HBP1: variants seen among roughly 807,000 people sequenced by gnomAD.
The protein encoded by HBP1 is HMG-box transcription factor 1.
HBP1 carries 20 observed loss-of-function variants against 62.6 expected under a neutral mutation model. The observed-to-expected ratio is 0.32, with a 90% confidence interval of 0.22 to 0.46. The LOEUF (loss-of-function observed/expected upper bound fraction) is 0.46, where lower values mean the gene tolerates loss of function less well. Among genes scored for constraint, HBP1 ranks in the 20% least tolerant of loss-of-function variants. The probability of loss-of-function intolerance (pLI) is 1.00; values close to 1 mark genes in which losing one functional copy is unlikely to be tolerated. For synonymous variants in HBP1, 232 were observed against 206.2 expected, an observed-to-expected ratio of 1.12 and a Z score of -1.07; for missense variants, 480 against 611.8, an observed-to-expected ratio of 0.78 and a Z score of 2.27.
intron 1 of HBP1, among the ~76,000 whole-genome samples, chr7:107,170,766 C>G (rs1292509991): frequency 6.6e-6 from 1 of 150,914 alleles, no homozygotes; most frequent in African/African-American, 2.4e-5. Context: ...CTTAACTTCT[C>G]AAACTCCTAA....
chr7:107,198,839 C>CAGAGT (rs1798056258), intron 9 of HBP1, among the ~76,000 whole-genome samples: 1 of 152,198 alleles, frequency 6.6e-6, no homozygotes, highest in Non-Finnish European at 1.5e-5. Context: ...TTAGGGAACA[C>CAGAGT]AGAGTATAGT....
At chr7:107,198,753 T>C (rs1290271693) in intron 9 of HBP1, among the ~76,000 whole-genome samples, 1 of 152,252 alleles carries the variant, frequency 6.6e-6, no homozygotes, top group African/African-American at 2.4e-5. Flanking sequence ...TAGCTCATTT[T>C]AAGTTGCTAT....
At chr7:107,169,395 G>T (rs887914613) in intron 1 of HBP1, among the ~76,000 whole-genome samples, 9 of 150,426 alleles carry the variant, frequency 6.0e-5, no homozygotes, top group Admixed American at 2.6e-4. Context: ...TCGGGGCGGC[G>T]GCGCTAGGGG....
chr7:107,176,774 T>A (rs1419920256), intron 1 of HBP1, among the ~76,000 whole-genome samples: 4 of 151,826 alleles, frequency 2.6e-5, no homozygotes, highest in Admixed American at 6.6e-5. Flanking sequence ...AATAGATTTG[T>A]GTTACACATT....
At position 107,171,073 on chromosome 7, in the gene HBP1, A is replaced by ATATATATATATATATTTTTT; in HGVS notation, c.-16+1889_-16+1890insATATATATATATATTTTTTT. The stretch of plus-strand genomic sequence containing the variant: ...TATATATATATATATATATATATAT[A>ATATATATATATATATTTTTT]TTTTTTTTTTTTTTTGAGAGGGAGT... On this transcript the variant is annotated intron_variant, in intron 1 of 10. Transcript: ENST00000222574. Among the ~76,000 whole-genome samples the ATATATATATATATATTTTTT allele has an allele frequency of 2.5e-4, 22 of 87,200 alleles. 2 individuals are homozygous for ATATATATATATATATTTTTT. The highest frequency in any genetic ancestry group is 1.4e-3 in the African/African-American group (21 of 15,124). The allele number at this position is 87,200 out of a possible 152,430, so 57.2% of individuals were successfully genotyped here.
At chr7:107,173,903 T>C (rs563613032) in intron 1 of HBP1, among the ~76,000 whole-genome samples, 2 of 152,280 alleles carry the variant, frequency 1.3e-5, no homozygotes, top group East Asian at 3.9e-4. Flanking sequence ...GAATGAACAA[T>C]AGGGTTAGCT....
At chr7:107,199,967 T>TA (rs1008667195) in intron 9 of HBP1, among the ~76,000 whole-genome samples, 193 bp from the exon 10 acceptor site, 15 of 152,362 alleles carry the variant, frequency 9.8e-5, no homozygotes, top group African/African-American at 3.6e-4. Flanking sequence ...ATGCTGCTGA[T>TA]ACGGAACAAT....
At chr7:107,187,256 A>AAT (rs34532654) in intron 6 of HBP1, among the ~76,000 whole-genome samples, 23,493 of 151,780 alleles carry the variant, frequency 0.15, 2,256 homozygotes, top group Non-Finnish European at 0.21. Flanking sequence ...TGTCTCAAAA[A>AAT]ATATATATAT....
In HBP1 at chr7:107,198,929, A is replaced by G. The variant is rs1200017478; in HGVS notation, c.1386-1231A>G. On this transcript the variant is annotated intron_variant, in intron 9 of 10. Coordinates refer to ENST00000222574, the MANE Select transcript of HBP1 (RefSeq NM_012257.4). The stretch of plus-strand genomic sequence containing the variant: ...TGTTTCGCAAGTGCCACCCCCTTCA[A>G]AAACATCTCATGTTCTTTCCTACTG... 2.2e-4 allele frequency among the ~76,000 whole-genome samples: 34 copies of G among 152,328 alleles called. 1 individual carries two copies. The highest frequency in any genetic ancestry group is 7.3e-5 in the Non-Finnish European group (5 of 68,028).
intron 8 of HBP1, among the ~76,000 whole-genome samples, chr7:107,194,542 T>C (rs540529615): frequency 1.7e-4 from 26 of 152,348 alleles, no homozygotes; most frequent in Admixed American, 1.7e-3. Context: ...AAAGACATTG[T>C]GTGCTTGATA....
chr7:107,169,804 CA>C, intron 1 of HBP1: 1 of 980,754 alleles, frequency 1.0e-6, no homozygotes, highest in Non-Finnish European at 1.2e-6. Context: ...GCTGCGGTCA[CA>C]TGATGGGGGG....
In HBP1 at chr7:107,202,002, C is replaced by T. The variant is rs1798357351; in HGVS notation, c.*571C>T. 6.6e-6 allele frequency: 1 copy of T among 152,668 alleles called. No individual in the cohort carries two copies. The highest frequency in any genetic ancestry group is 1.5e-5 in the Non-Finnish European group (1 of 68,074). 9.5% of individuals were successfully genotyped at this position (152,668 alleles called of 1,614,324 possible). A position where few individuals can be genotyped will look rare whatever the true frequency, so the allele number is the denominator to read the frequency against. Reference sequence around the variant, plus strand: ...AGGTGGCTGGTGTTGGTGTCCCAGCCTAAGAGCCACCTGCTGCAGTTACCA... The same window carrying T: ...AGGTGGCTGGTGTTGGTGTCCCAGCTTAAGAGCCACCTGCTGCAGTTACCA... On this transcript the variant is annotated 3_prime_UTR_variant, in exon 11 of 11. Transcript: ENST00000222574.
intron 9 of HBP1, among the ~76,000 whole-genome samples, chr7:107,199,010 A>G (rs1383179295): frequency 6.6e-6 from 1 of 152,216 alleles, no homozygotes. Context: ...GTCAACCATT[A>G]TATGGTACCT....
intron 1 of HBP1, 124 bp from the exon 2 acceptor site, chr7:107,179,753 CAG>C (rs1310016574): frequency 3.7e-6 from 2 of 543,148 alleles, no homozygotes; most frequent in African/African-American, 3.8e-5. Context: ...GTCTGGGTGA[CAG>C]AGTGTGACTA....
At chr7:107,182,674 G>C (rs1217102306) in intron 3 of HBP1, 73 bp downstream of exon 3, 2 of 777,532 alleles carry the variant, frequency 2.6e-6, no homozygotes, top group Non-Finnish European at 4.1e-6. Context: ...AATTTTTCTA[G>C]TTTAAAAGTA....
chr7:107,172,024 A>G (rs1562882902), intron 1 of HBP1, among the ~76,000 whole-genome samples: 1 of 152,106 alleles, frequency 6.6e-6, no homozygotes, highest in Non-Finnish European at 1.5e-5. Flanking sequence ...GGCATACTCT[A>G]ATATTCTTAT....
rs763814084 is a variant in HBP1, at chr7:107,186,526, G to GTAAGAC, written c.653-41_653-40insAGACTA. 3.2e-6 allele frequency: 5 copies of GTAAGAC among 1,549,376 alleles called. No homozygotes were observed. In the South Asian group the frequency reaches 5.6e-5, roughly 17 times the overall value. ...GAATTTTCCACAGCTTACTTGTCTA[G>GTAAGAC]TACAGTCACGTGTCTAATACGTGTT... On this transcript the variant is annotated intron_variant, in intron 5 of 10. Transcript: ENST00000222574.
rs939087183 is a variant in HBP1 at position 107,185,924 on chromosome 7, A to G, written c.522A>G (p.Thr174=). The G allele has an allele frequency of 2.5e-6, 4 of 1,613,012 alleles. No individual in the cohort carries two copies. Among genetic ancestry groups the G allele is most frequent in the African/African-American group, 2.7e-5 (2 of 74,904 alleles). ...CTCATCACCATTGGAAGGAGGAAAC[A>G]CCAGTAAGACACGAAAGGGTAAGTT... is the stretch of plus-strand genomic sequence containing the variant. The part of the protein sequence containing the change: ...AFPHHHWKEE[T]PVRHERANSE... Residue 174 remains threonine, a synonymous_variant, in exon 4 of 11, where the codon ACA becomes ACG. Transcript: ENST00000222574.
At chr7:107,187,919 C>A (rs1797470272) in intron 6 of HBP1, among the ~76,000 whole-genome samples, 2 of 152,254 alleles carry the variant, frequency 1.3e-5, no homozygotes, top group Middle Eastern at 3.4e-3. Flanking sequence ...ACTTTCTTCA[C>A]CAGTTCCTCT....
Sources: gnomAD v4.1 joint callset for allele counts (sites outside exome capture counted in the v4.1 genomes callset) on GRCh38, gnomAD v4.1.1 for gene constraint, MANE v1.5 for transcripts, NCBI Gene and HGNC (gene_info 2026-07-23, HGNC 2026-07-21) for gene names.